WFS1: variants seen among roughly 807,000 people sequenced by gnomAD.
WFS1 encodes wolframin ER transmembrane glycoprotein.
WFS1 carries 90 observed loss-of-function variants against 68.5 expected under a neutral mutation model. The ratio of observed to expected loss-of-function variants is 1.31; its 90% CI spans 1.11 to 1.56. WFS1 has a LOEUF of 1.56. WFS1 is among the 40% of genes most tolerant of loss of function. The probability of loss-of-function intolerance (pLI) is 0.00; values close to 1 mark genes in which losing one functional copy is unlikely to be tolerated. For missense variants in WFS1, 1,767 were observed against 1,232.6 expected (o/e 1.43, Z -6.49); for synonymous variants, 860 against 540.7 (o/e 1.59, Z -8.19).
intron 2 of WFS1, among the ~76,000 whole-genome samples, chr4:6,284,413 C>T (rs79270851): frequency 0.028 from 4,295 of 152,148 alleles, 228 homozygotes; most frequent in African/African-American, 0.097. Context: ...TTCTGTATAT[C>T]GGGGAGATGT....
intron 7 of WFS1, among the ~76,000 whole-genome samples, chr4:6,298,902 G>A (rs898314508): frequency 2.0e-5 from 3 of 152,208 alleles, no homozygotes; most frequent in African/African-American, 4.8e-5. Flanking sequence ...GTGCTTCCCC[G>A]AGGCCCGGAG....
chr4:6,276,138 T>A (rs1389840498), intron 1 of WFS1, among the ~76,000 whole-genome samples: 1 of 151,850 alleles, frequency 6.6e-6, no homozygotes, highest in African/African-American at 2.4e-5. Context: ...CTTGGGAGGG[T>A]CATTTGGGAA....
chr4:6,296,221 G>A (rs953894409), intron 7 of WFS1, among the ~76,000 whole-genome samples: 9 of 152,204 alleles, frequency 5.9e-5, no homozygotes, highest in African/African-American at 9.7e-5. Context: ...CCTCCGGTGG[G>A]GGGGAAGAGC....
chr4:6,297,695 C>T (rs1195991984), intron 7 of WFS1, among the ~76,000 whole-genome samples: 5 of 152,172 alleles, frequency 3.3e-5, no homozygotes, highest in Non-Finnish European at 5.9e-5. Flanking sequence ...CAGGCCCAGA[C>T]AGAGAGCTCT....
At chr4:6,276,458 GT>G (rs1249482614) in intron 1 of WFS1, among the ~76,000 whole-genome samples, 2 of 152,302 alleles carry the variant, frequency 1.3e-5, no homozygotes, top group Admixed American at 1.3e-4. Context: ...CCACCGCACT[GT>G]TTGCCTTAGT....
In WFS1 at chr4:6,289,064, C is replaced by T. The variant is rs758199900; in HGVS notation, c.393C>T (p.Val131=). The T allele has an allele frequency of 3.3e-5, 53 of 1,593,706 alleles. No homozygotes were observed. The highest frequency in any genetic ancestry group is 1.2e-4 in the African/African-American group (9 of 74,602). The change falls in exon 4 of 8, where the codon GTC becomes GTT. Residue 131 remains valine (V), a synonymous_variant. Transcript: ENST00000226760. The part of the protein sequence containing the change: ...LNSCTAVDWL[V]LAAKQGRREA... Reference sequence around the variant, plus strand: ...GCTGCACCGCTGTGGACTGGCTGGTCCTCGCCGCGAAGCAGGGCCGTCGCG... The same window carrying T: ...GCTGCACCGCTGTGGACTGGCTGGTTCTCGCCGCGAAGCAGGGCCGTCGCG...
chr4:6,297,122 C>T (rs558040638), intron 7 of WFS1, among the ~76,000 whole-genome samples: 2 of 152,324 alleles, frequency 1.3e-5, no homozygotes, highest in African/African-American at 4.8e-5. Context: ...GACACTGTAT[C>T]CAGCCTGAAA....
intron 7 of WFS1, among the ~76,000 whole-genome samples, chr4:6,299,340 AGAGCAGGG>A (rs1248376842): frequency 6.6e-6 from 1 of 152,182 alleles, no homozygotes; most frequent in Admixed American, 6.5e-5. Flanking sequence ...CGCTGCATGC[AGAGCAGGG>A]GAGCAGGACC....
At chr4:6,296,762 C>T (rs768935078) in intron 7 of WFS1, among the ~76,000 whole-genome samples, 7 of 152,224 alleles carry the variant, frequency 4.6e-5, no homozygotes, top group South Asian at 2.1e-4. Context: ...GCGTCCTGTT[C>T]GGAAAATTAT....
Position 6,301,011 on chromosome 4 carries a change from G to C in WFS1, c.1216G>C (p.Ala406Pro). 5.0e-6 allele frequency: 8 copies of C among 1,613,996 alleles called. No homozygotes were observed. Among genetic ancestry groups the C allele is most frequent in the Non-Finnish European group, 6.8e-6 (8 of 1,180,030 alleles). ...CGGCTGGAACCACCTGGAGCCCTAT[G>C]CCCATTTCCTGCTCTCTGTCTTCTT... is the stretch of plus-strand genomic sequence containing the variant. The part of the protein sequence containing the change: ...NFGWNHLEPY[A>P]HFLLSVFFVI... The change falls in exon 8 of 8, where the codon GCC becomes CCC. Residue 406 changes from alanine (A) to proline (P), a missense_variant. Coordinates refer to ENST00000226760, the MANE Select transcript of WFS1 (RefSeq NM_006005.3).
At chr4:6,294,806 C>T in intron 6 of WFS1, 2 of 575,806 alleles carry the variant, frequency 3.5e-6, no homozygotes, top group East Asian at 6.4e-5. Flanking sequence ...GACAGCACAC[C>T]CAGGGGCCGG....
At chr4:6,288,625 C>G (rs921748152) in intron 3 of WFS1, 19 of 363,546 alleles carry the variant, frequency 5.2e-5, no homozygotes, top group Non-Finnish European at 1.0e-4. Flanking sequence ...TCTATGGTCC[C>G]CTGACTGTTT....
At position 6,300,729 on chromosome 4, in the gene WFS1, A is replaced by C; in HGVS notation, c.934A>C (p.Met312Leu). 1 of 1,614,074 alleles carries C rather than the reference A, an allele frequency of 6.2e-7. No homozygotes were observed. The highest frequency in any genetic ancestry group is 1.3e-5 in the African/African-American group (1 of 75,000). Residue 312 changes from methionine (M) to leucine (L), a missense_variant, in exon 8 of 8, where the codon ATG becomes CTG. Transcript: ENST00000226760. ...GATTGACATGGCCTCCAGGGCAGGC[A>C]TGCACTGGCTGTCCACCATCATCCC... ...YLIDMASRAGMHWLSTIIPTH... is the reference protein window; with the variant it reads ...YLIDMASRAGLHWLSTIIPTH...
At chr4:6,286,536 A>G (rs572916606) in intron 2 of WFS1, among the ~76,000 whole-genome samples, 1 of 152,240 alleles carries the variant, frequency 6.6e-6, no homozygotes, top group African/African-American at 2.4e-5. Context: ...TTGTTATAAC[A>G]GCTCGAACAG....
At position 6,283,750 on chromosome 4, in the gene WFS1, G is replaced by T. The variant is rs1194733549; in HGVS notation, c.233-3343G>T. 6.6e-6 allele frequency among the ~76,000 whole-genome samples: 1 copy of T among 152,220 alleles called. No homozygotes were observed. Among genetic ancestry groups the T allele is most frequent in the Non-Finnish European group, 1.5e-5 (1 of 68,046 alleles). Reference sequence around the variant, plus strand: ...TGGGGGTGCGGGCCTTCTGTGCAGCGCAGGGGAGGGGGCAGTGCCACCCAG... The same window carrying T: ...TGGGGGTGCGGGCCTTCTGTGCAGCTCAGGGGAGGGGGCAGTGCCACCCAG... On this transcript the variant is annotated intron_variant, in intron 2 of 7. Transcript: ENST00000226760. The surrounding 1 kb of genome is among the most constrained non-coding windows in gnomAD (Gnocchi z 5.0).
At chr4:6,278,158 G>A (rs1426220117) in intron 2 of WFS1, among the ~76,000 whole-genome samples, 1 of 152,212 alleles carries the variant, frequency 6.6e-6, no homozygotes, top group Non-Finnish European at 1.5e-5. Flanking sequence ...TCCTGAGGCG[G>A]GATGCTGGGG....
At chr4:6,295,601 G>A (rs538997101) in intron 7 of WFS1, among the ~76,000 whole-genome samples, 3 of 152,214 alleles carry the variant, frequency 2.0e-5, no homozygotes, top group South Asian at 2.1e-4. Flanking sequence ...ACAAAGTGCC[G>A]TGTCCGTCAG....
rs771719272 is a variant in WFS1, at chr4:6,300,658, T to C, written c.863T>C (p.Val288Ala). The change falls in exon 8 of 8, where the codon GTG becomes GCG. Residue 288 changes from valine (V) to alanine (A), a missense_variant and splice_region_variant. Coordinates refer to ENST00000226760, the MANE Select transcript of WFS1 (RefSeq NM_006005.3). ...SPEDLPLRLK[V>A]VKYPLHAIME... The stretch of plus-strand genomic sequence containing the variant: ...TCCCACGTACCATCTTTCCCCCAGG[T>C]GGTCAAGTACCCCCTGCACGCCATC... The C allele has an allele frequency of 6.2e-7, 1 of 1,613,918 alleles. No individual in the cohort carries two copies. The highest frequency in any genetic ancestry group is 8.5e-7 in the Non-Finnish European group (1 of 1,179,950).
At chr4:6,280,083 A>G (rs1237328616) in intron 2 of WFS1, among the ~76,000 whole-genome samples, 1 of 152,234 alleles carries the variant, frequency 6.6e-6, no homozygotes, top group Non-Finnish European at 1.5e-5. Flanking sequence ...GGTAAAGGAA[A>G]CAGTGACTCC....
Sources: gnomAD v4.1 joint callset for allele counts (sites outside exome capture counted in the v4.1 genomes callset) on GRCh38, gnomAD v4.1.1 for gene constraint, Gnocchi (gnomAD v3.1) non-coding constraint, MANE v1.5 for transcripts, NCBI Gene and HGNC (gene_info 2026-07-23, HGNC 2026-07-21) for gene names.